JAK1: variants seen among roughly 807,000 people sequenced by gnomAD.
JAK1 encodes the protein Janus kinase 1, also known as tyrosine-protein kinase JAK1.
A neutral mutation model predicts 136.6 loss-of-function variants in JAK1; 16 were observed. The ratio of observed to expected loss-of-function variants is 0.12; its 90% CI spans 0.08 to 0.18. The LOEUF (loss-of-function observed/expected upper bound fraction) is 0.18, where lower values mean the gene tolerates loss of function less well. Ranked by LOEUF, JAK1 falls within the 10% of genes least tolerant of loss-of-function variation. The pLI is 1.00. For synonymous variants in JAK1, 492 were observed against 519.5 expected (o/e 0.95, Z 0.72); for missense variants, 859 against 1,450.1 (o/e 0.59, Z 6.62).
chr1:64,877,663 C>G lies in JAK1; in HGVS notation c.329+1362G>C, dbSNP rs137975704. ...TTGAATTAGGTAACTTTGGTCTTTT[C>G]CAATCCTAAAAGCTACCATTCTAGA... On this transcript the variant is annotated intron_variant, in intron 4 of 24. Transcript: ENST00000342505. Among the ~76,000 whole-genome samples, 724 of 152,208 alleles carry G rather than the reference C, an allele frequency of 4.8e-3. 3 individuals are homozygous for G. Among genetic ancestry groups the G allele is most frequent in the Non-Finnish European group, 6.8e-3 (463 of 68,012 alleles).
At chr1:64,955,066 C>A (rs1646159074) in intron 1 of JAK1, among the ~76,000 whole-genome samples, 2 of 152,158 alleles carry the variant, frequency 1.3e-5, no homozygotes, top group Non-Finnish European at 2.9e-5. Context: ...GTAATTTGAC[C>A]GAATTCCCTT....
intron 1 of JAK1, among the ~76,000 whole-genome samples, chr1:64,936,340 A>C (rs139365344): frequency 3.9e-4 from 59 of 152,352 alleles, no homozygotes; most frequent in Non-Finnish European, 7.3e-4. Flanking sequence ...GGACTCTAAG[A>C]GTATTTGGTA....
chr1:64,979,257 A>G (rs1312443236), intron 2 of JAK1, among the ~76,000 whole-genome samples: 2 of 152,140 alleles, frequency 1.3e-5, no homozygotes, highest in African/African-American at 2.4e-5. Flanking sequence ...AAAATTAGCC[A>G]TGTACAATGG....
intron 1 of JAK1, among the ~76,000 whole-genome samples, chr1:65,049,899 G>A (rs1002726295): frequency 1.3e-5 from 2 of 152,108 alleles, no homozygotes; most frequent in Non-Finnish European, 2.9e-5. Flanking sequence ...CGCATGCTCC[G>A]CTTCGCTGAG....
chr1:65,052,588 C>T lies in JAK1; in HGVS notation c.-180-8006G>A, dbSNP rs571367813. Among the ~76,000 whole-genome samples, 22 of 151,876 alleles carry T rather than the reference C, an allele frequency of 1.4e-4. No homozygotes were observed. The East Asian group carries it at 3.5e-3, about 24-fold the overall frequency. ...AGCACCTTTGGGAGGCCGAGGCGGGCGGATCACGAGGTCAGGAGATCGAGA... is the reference window on the plus strand; with the variant it reads ...AGCACCTTTGGGAGGCCGAGGCGGGTGGATCACGAGGTCAGGAGATCGAGA... On this transcript the variant is annotated intron_variant, in intron 1 of 25. Transcript: ENST00000671954.
intron 1 of JAK1, among the ~76,000 whole-genome samples, chr1:64,937,404 T>C (rs1645808813): frequency 6.6e-6 from 1 of 152,210 alleles, no homozygotes; most frequent in Non-Finnish European, 1.5e-5. Flanking sequence ...ATTCTAGTTG[T>C]ATGGAGTCAT....
intron 1 of JAK1, among the ~76,000 whole-genome samples, chr1:64,944,806 A>C (rs916637427): frequency 6.6e-6 from 1 of 152,180 alleles, no homozygotes; most frequent in African/African-American, 2.4e-5. Context: ...GTGAGAGTCC[A>C]AGTGATTTTT....
chr1:64,835,420 C>T lies in JAK1; in HGVS notation c.3345G>A (p.Pro1115=), dbSNP rs373643973. 1.5e-5 allele frequency: 24 copies of T among 1,605,524 alleles called. No individual in the cohort carries two copies. Among genetic ancestry groups the T allele is most frequent in the Middle Eastern group, 1.6e-4 (1 of 6,062 alleles). The change falls in exon 24 of 25, where the codon CCG becomes CCA. Residue 1115 remains proline, a synonymous_variant. Coordinates refer to ENST00000342505, the MANE Select transcript of JAK1 (RefSeq NM_002227.4). ...CCTCATCTGGACAGTTAGGTGGGCACGGCAGGCGTTTTCCTTCTTTTAACG... is the reference window on the plus strand; with the variant it reads ...CCTCATCTGGACAGTTAGGTGGGCATGGCAGGCGTTTTCCTTCTTTTAACG... ...VNTLKEGKRL[P]CPPNCPDEVY...
At chr1:64,839,903 C>T (rs1412375982) in intron 19 of JAK1, 108 bp from the exon 20 acceptor site, 8 of 881,266 alleles carry the variant, frequency 9.1e-6, no homozygotes, top group Non-Finnish European at 1.4e-5. Context: ...CAGGGGTTCT[C>T]GCTGTCTGGC....
intron 2 of JAK1, among the ~76,000 whole-genome samples, chr1:65,023,274 T>C (rs949005094): frequency 6.6e-6 from 1 of 152,002 alleles, no homozygotes; most frequent in Non-Finnish European, 1.5e-5. Flanking sequence ...GGCTAATTTT[T>C]ATTTTTTATT....
intron 1 of JAK1, among the ~76,000 whole-genome samples, chr1:64,915,845 C>T (rs12727350): frequency 1.5e-4 from 23 of 152,110 alleles, no homozygotes; most frequent in Admixed American, 7.9e-4. Context: ...CCTCTGGGCA[C>T]GCAGAAAGAC....
At chr1:64,950,595 C>T (rs1287047369) in intron 1 of JAK1, among the ~76,000 whole-genome samples, 4 of 152,166 alleles carry the variant, frequency 2.6e-5, no homozygotes, top group African/African-American at 4.8e-5. Flanking sequence ...GGACTGAGCA[C>T]CTAGAACATC....
chr1:64,994,072 C>T (rs1646681726), intron 2 of JAK1, among the ~76,000 whole-genome samples: 1 of 152,172 alleles, frequency 6.6e-6, no homozygotes, highest in African/African-American at 2.4e-5. Context: ...TTCTGAGTAG[C>T]TGAGACTAGA....
chr1:64,837,405 T>C (rs1222555824), intron 22 of JAK1, among the ~76,000 whole-genome samples: 2 of 152,206 alleles, frequency 1.3e-5, no homozygotes, highest in African/African-American at 2.4e-5. Flanking sequence ...GCCTCTCCCC[T>C]GGACAGTGTT....
chr1:65,004,574 AC>A (rs1360690361), intron 2 of JAK1, among the ~76,000 whole-genome samples: 2 of 152,184 alleles, frequency 1.3e-5, no homozygotes, highest in African/African-American at 4.8e-5. Flanking sequence ...TTTGTCTTTG[AC>A]GTTTCTAGGC....
intron 1 of JAK1, among the ~76,000 whole-genome samples, chr1:65,050,252 G>A (rs772939666): frequency 4.6e-5 from 7 of 152,102 alleles, no homozygotes; most frequent in African/African-American, 1.7e-4. Flanking sequence ...CACAGAATTC[G>A]CCATCTAACG....
intron 2 of JAK1, among the ~76,000 whole-genome samples, chr1:64,974,902 TTTG>T (rs1646484708): frequency 1.3e-5 from 2 of 148,364 alleles, no homozygotes; most frequent in African/African-American, 5.3e-5. Context: ...TTTGTTTTGT[TTTG>T]TTTTTTGTTT....
At chr1:64,927,098 T>C (rs1255417608) in intron 1 of JAK1, among the ~76,000 whole-genome samples, 2 of 152,224 alleles carry the variant, frequency 1.3e-5, no homozygotes, top group Non-Finnish European at 2.9e-5. Flanking sequence ...GACTGCTCTC[T>C]GCAGGCCAGG....
At chr1:64,916,884 G>C (rs1645406701) in intron 1 of JAK1, among the ~76,000 whole-genome samples, 1 of 151,004 alleles carries the variant, frequency 6.6e-6, no homozygotes, top group Non-Finnish European at 1.5e-5. Context: ...GAAAAGAACA[G>C]TTTGAAAATA....
Sources: gnomAD v4.1 joint callset for allele counts (sites outside exome capture counted in the v4.1 genomes callset) on GRCh38, gnomAD v4.1.1 for gene constraint, MANE v1.5 for transcripts, NCBI Gene and HGNC (gene_info 2026-07-23, HGNC 2026-07-21) for gene names.